Variants in PARM1 observed in about 807,000 individuals in gnomAD.
The protein encoded by PARM1 is prostate androgen-regulated mucin-like protein 1.
Under a neutral mutation model 24.6 loss-of-function variants are expected in PARM1, and 14 were observed. The ratio of observed to expected loss-of-function variants is 0.57; its 90% CI spans 0.38 to 0.89. PARM1 has a LOEUF of 0.89. PARM1 is among the 40% of genes least tolerant of loss of function. PARM1 has a pLI of 0.00. For missense variants in PARM1, 362 were observed against 380.4 expected (o/e 0.95, Z 0.40); for synonymous variants, 179 against 156.6 (o/e 1.14, Z -1.07).
intron 3 of PARM1, among the ~76,000 whole-genome samples, chr4:75,044,564 T>G (rs939323484): frequency 6.6e-6 from 1 of 152,192 alleles, no homozygotes; most frequent in Non-Finnish European, 1.5e-5. Context: ...GCATGGAGGT[T>G]ACAGTCTAGT....
chr4:74,953,507 C>T (rs1425793245), intron 1 of PARM1, among the ~76,000 whole-genome samples: 1 of 152,316 alleles, frequency 6.6e-6, no homozygotes, highest in African/African-American at 2.4e-5. Context: ...AGCAATGTGG[C>T]AAGACAGCCT....
Position 75,046,445 on chromosome 4 carries a change from G to T in PARM1, c.*198G>T. 1 of 480,478 alleles carries T rather than the reference G, an allele frequency of 2.1e-6. No homozygotes were observed. The highest frequency in any genetic ancestry group is 3.5e-5 in the Admixed American group (1 of 28,874). The allele number at this position is 480,478 out of a possible 1,614,324, so 29.8% of individuals were successfully genotyped here. On this transcript the variant is annotated 3_prime_UTR_variant, in exon 4 of 4. Coordinates refer to ENST00000307428, the MANE Select transcript of PARM1 (RefSeq NM_015393.4). ...GGTACAAGAAGAACCATTCTTTAAA[G>T]GTGAGTGGAGGCTGATTTGCAGCTG...
At chr4:75,043,834 A>G (rs562402845) in intron 3 of PARM1, among the ~76,000 whole-genome samples, 3 of 152,196 alleles carry the variant, frequency 2.0e-5, no homozygotes, top group African/African-American at 2.4e-5. Flanking sequence ...CTATAGATCA[A>G]AGAAGCAGTG....
rs189349911 is a variant in PARM1 at position 75,037,939 on chromosome 4, C to T, written c.848+3978C>T. Among the ~76,000 whole-genome samples, 12 of 151,744 alleles carry T rather than the reference C, an allele frequency of 7.9e-5. No homozygotes were observed. In the East Asian group the frequency reaches 1.6e-3, roughly 20 times the overall value. On this transcript the variant is annotated intron_variant, in intron 3 of 3. Transcript: ENST00000307428. ...TGGGGCAAGTTTTCTTTTTTTGAGT[C>T]GAAGTCTCGCTCTGTCACCCAGGCT... is the stretch of plus-strand genomic sequence containing the variant.
chr4:74,949,461 C>T lies in PARM1; in HGVS notation c.43+16091C>T, dbSNP rs193071519. ...CCAAGTAGCTGGTACTACAGGTGCC[C>T]GCCACCACGCCTGGCTAATTTTTTG... On this transcript the variant is annotated intron_variant, in intron 1 of 3. Coordinates refer to ENST00000307428, the MANE Select transcript of PARM1 (RefSeq NM_015393.4). 1.9e-3 allele frequency among the ~76,000 whole-genome samples: 293 copies of T among 152,138 alleles called. 3 individuals carry two copies. Among genetic ancestry groups the T allele is most frequent in the African/African-American group, 6.9e-3 (285 of 41,486 alleles).
intron 1 of PARM1, among the ~76,000 whole-genome samples, chr4:74,948,380 G>A (rs754873166): frequency 2.0e-5 from 3 of 152,188 alleles, no homozygotes; most frequent in Non-Finnish European, 4.4e-5. Context: ...CTTCAAGCTT[G>A]TTCACCAGCA....
At chr4:74,963,213 A>G (rs1345418350) in intron 1 of PARM1, among the ~76,000 whole-genome samples, 52 of 152,230 alleles carry the variant, frequency 3.4e-4, no homozygotes, top group African/African-American at 1.2e-3. Flanking sequence ...ATTTCTTCAT[A>G]GCAGTGTGAA....
intron 1 of PARM1, among the ~76,000 whole-genome samples, chr4:74,961,197 C>T (rs1721766999): frequency 1.3e-5 from 2 of 151,988 alleles, no homozygotes; most frequent in African/African-American, 2.4e-5. Flanking sequence ...CAGCTTTGAG[C>T]AGACTGAAGA....
intron 1 of PARM1, among the ~76,000 whole-genome samples, chr4:75,000,198 C>T (rs1042375870): frequency 6.6e-6 from 1 of 152,164 alleles, no homozygotes; most frequent in Admixed American, 6.5e-5. Context: ...AGTTGAGAGC[C>T]TTTGGGCCCA....
chr4:75,003,232 C>T (rs116721422), intron 1 of PARM1, among the ~76,000 whole-genome samples: 1 of 151,744 alleles, frequency 6.6e-6, no homozygotes, highest in Non-Finnish European at 1.5e-5. Flanking sequence ...TTGCTCAGCT[C>T]GGCTTCCTTC....
intron 1 of PARM1, among the ~76,000 whole-genome samples, chr4:74,937,108 A>G (rs1435635594): frequency 6.6e-6 from 1 of 152,234 alleles, no homozygotes; most frequent in Non-Finnish European, 1.5e-5. Flanking sequence ...GGTAACTAAC[A>G]TCTAAAATGT....
intron 1 of PARM1, among the ~76,000 whole-genome samples, chr4:74,946,864 A>G (rs377533358): frequency 6.6e-6 from 1 of 152,228 alleles, no homozygotes; most frequent in African/African-American, 2.4e-5. Flanking sequence ...TAAGCAACAC[A>G]TTATTTTGAA....
chr4:74,989,122 G>C (rs1375956155), intron 1 of PARM1, among the ~76,000 whole-genome samples: 1 of 152,102 alleles, frequency 6.6e-6, no homozygotes, highest in Admixed American at 6.6e-5. Flanking sequence ...ACCAAAATGT[G>C]TGGGGATTTC....
At chr4:74,991,441 G>A (rs1722464455) in intron 1 of PARM1, among the ~76,000 whole-genome samples, 1 of 152,128 alleles carries the variant, frequency 6.6e-6, no homozygotes, top group Non-Finnish European at 1.5e-5. Flanking sequence ...AACTTCCTGA[G>A]TTGAGAGGCA....
At chr4:75,028,399 T>C (rs1723220218) in intron 2 of PARM1, among the ~76,000 whole-genome samples, 1 of 152,236 alleles carries the variant, frequency 6.6e-6, no homozygotes, top group Non-Finnish European at 1.5e-5. Context: ...AGACAAAATG[T>C]TCCTTTCCTC....
chr4:74,993,813 G>A (rs1722522541), intron 1 of PARM1: 1 of 151,910 alleles, frequency 6.6e-6, no homozygotes, highest in Admixed American at 6.6e-5. Context: ...GTAGGTGATG[G>A]GTCTGTTCAT....
At chr4:74,935,783 G>A (rs143368148) in intron 1 of PARM1, among the ~76,000 whole-genome samples, 24 of 152,212 alleles carry the variant, frequency 1.6e-4, no homozygotes, top group East Asian at 1.5e-3. Context: ...ATATGTGTGC[G>A]TTGTCAACAA....
In PARM1 at chr4:75,012,923, T is replaced by C. The variant is rs1476123157; in HGVS notation, c.542T>C (p.Val181Ala). The change falls in exon 2 of 4, where the codon GTG becomes GCG. Residue 181 changes from valine (V) to alanine (A), a missense_variant. By Grantham distance (64) the Val-to-Ala change is moderately conservative. Coordinates refer to ENST00000307428, the MANE Select transcript of PARM1 (RefSeq NM_015393.4). ...GTTACTACCAACCATAGCTCCACTG[T>C]GACCAGCACCCAACCCACTGGAGCT... ...ASVTTNHSST[V>A]TSTQPTGAPT... The C allele has an allele frequency of 6.2e-7, 1 of 1,613,988 alleles. No individual in the cohort carries two copies. Among genetic ancestry groups the C allele is most frequent in the Non-Finnish European group, 8.5e-7 (1 of 1,179,900 alleles).
At chr4:74,974,659 G>A (rs916097771) in intron 1 of PARM1, among the ~76,000 whole-genome samples, 2 of 152,130 alleles carry the variant, frequency 1.3e-5, no homozygotes, top group South Asian at 4.1e-4. Context: ...GGCCTGAGGG[G>A]GTGACTTTCA....
Sources: gnomAD v4.1 joint callset for allele counts (sites outside exome capture counted in the v4.1 genomes callset) on GRCh38, gnomAD v4.1.1 for gene constraint, MANE v1.5 for transcripts, NCBI Gene and HGNC (gene_info 2026-07-23, HGNC 2026-07-21) for gene names.